The following CSMD2 variants were observed in gnomAD, a reference collection of about 807,000 sequenced individuals.
The protein encoded by CSMD2 is CUB and Sushi multiple domains 2.
In CSMD2, 130 loss-of-function variants were observed where a neutral mutation model predicts 398.5. That is an observed-to-expected ratio of 0.33 (90% CI 0.28 to 0.38). The LOEUF (loss-of-function observed/expected upper bound fraction) is 0.38. CSMD2 is among the 10% of genes least tolerant of loss of function. The pLI is 1.00. For missense variants in CSMD2, 3,829 were observed against 4,764.9 expected (o/e 0.80, Z 5.78); for synonymous variants, 1,828 against 1,908.5 (o/e 0.96, Z 1.10).
chr1:34,000,591 C>CA (rs1558228533), intron 3 of CSMD2, among the ~76,000 whole-genome samples: 1 of 150,956 alleles, frequency 6.6e-6, no homozygotes, highest in Non-Finnish European at 1.5e-5. Flanking sequence ...TGGTCCAACT[C>CA]AAAAAAAGGG....
chr1:33,832,069 T>G (rs1216926194), intron 6 of CSMD2, among the ~76,000 whole-genome samples: 3 of 146,074 alleles, frequency 2.1e-5, no homozygotes, highest in Non-Finnish European at 4.5e-5. Context: ...AATGGGAGAC[T>G]TTAACACCCC....
chr1:34,017,930 G>A (rs920554122), intron 3 of CSMD2, among the ~76,000 whole-genome samples: 5 of 152,100 alleles, frequency 3.3e-5, no homozygotes, highest in Non-Finnish European at 7.4e-5. Context: ...ACACAAGCCA[G>A]GACTTCACTG....
chr1:33,655,138 G>A (rs1643909263), intron 27 of CSMD2, among the ~76,000 whole-genome samples: 1 of 152,232 alleles, frequency 6.6e-6, no homozygotes, highest in Non-Finnish European at 1.5e-5. Flanking sequence ...GGGAGTGGGT[G>A]CAAGCTGCAG....
At chr1:34,110,842 T>A (rs1661010376) in intron 1 of CSMD2, among the ~76,000 whole-genome samples, 1 of 152,076 alleles carries the variant, frequency 6.6e-6, no homozygotes, top group Non-Finnish European at 1.5e-5. Flanking sequence ...CAAACCCCCA[T>A]GACATGGGTT....
intron 3 of CSMD2, among the ~76,000 whole-genome samples, chr1:33,987,032 G>A (rs6702677): frequency 0.16 from 24,491 of 152,008 alleles, 3,311 homozygotes; most frequent in East Asian, 0.67. Context: ...AGCAGGGATG[G>A]GGGCTTAGCC....
chr1:33,669,777 G>A (rs1043035594), intron 25 of CSMD2, among the ~76,000 whole-genome samples: 4 of 152,180 alleles, frequency 2.6e-5, no homozygotes, highest in African/African-American at 9.7e-5. Context: ...TAAATCCAAT[G>A]ACTGATATCG....
rs114965974 is a variant in CSMD2, at chr1:33,762,335, A to G, written c.1846+10234T>C. 4.4e-3 allele frequency among the ~76,000 whole-genome samples: 667 copies of G among 152,336 alleles called. 6 individuals carry two copies. The highest frequency in any genetic ancestry group is 0.015 in the African/African-American group (641 of 41,564). ...AGAGCACAGTGGAGAATGCATACAC[A>G]CAACTTTGGATATTTTACAGAGAAA... On this transcript the variant is annotated intron_variant, in intron 13 of 70. Transcript: ENST00000373381.
At chr1:33,967,680 G>C (rs1191968580) in intron 3 of CSMD2, among the ~76,000 whole-genome samples, 2 of 152,312 alleles carry the variant, frequency 1.3e-5, no homozygotes, top group East Asian at 3.9e-4. Context: ...GCCTCACGGG[G>C]CCTTCCCGAT....
intron 14 of CSMD2, among the ~76,000 whole-genome samples, chr1:33,741,958 C>G (rs527907645): frequency 1.5e-4 from 23 of 152,228 alleles, no homozygotes; most frequent in African/African-American, 5.3e-4. Context: ...CCTTCCATTC[C>G]GTAAACATTT....
chr1:33,965,386 A>G (rs1303820536), intron 3 of CSMD2, among the ~76,000 whole-genome samples: 1 of 152,202 alleles, frequency 6.6e-6, no homozygotes, highest in African/African-American at 2.4e-5. Context: ...TGCCACACTT[A>G]GTGCCATAAA....
intron 9 of CSMD2, chr1:33,813,120 G>A (rs1219153657): frequency 1.3e-5 from 2 of 152,190 alleles, no homozygotes; most frequent in Non-Finnish European, 2.9e-5. Context: ...CTCAGCTTCA[G>A]AATCAATTTA....
At chr1:34,076,655 A>C (rs1486189399) in intron 2 of CSMD2, among the ~76,000 whole-genome samples, 1 of 152,042 alleles carries the variant, frequency 6.6e-6, no homozygotes, top group Non-Finnish European at 1.5e-5. Flanking sequence ...AATTTTTCCT[A>C]TAAATGTAGG....
chr1:33,698,235 T>G (rs1191907693), intron 24 of CSMD2, among the ~76,000 whole-genome samples: 1 of 152,206 alleles, frequency 6.6e-6, no homozygotes, highest in East Asian at 1.9e-4. Flanking sequence ...AAGATGCAAG[T>G]TCATTATTGC....
At chr1:33,958,019 A>C (rs1416763695) in intron 3 of CSMD2, among the ~76,000 whole-genome samples, 1 of 151,998 alleles carries the variant, frequency 6.6e-6, no homozygotes, top group African/African-American at 2.4e-5. Flanking sequence ...ACCCTGAAAA[A>C]ATAATCAAAC....
chr1:33,892,928 G>A (rs758144406), intron 5 of CSMD2, among the ~76,000 whole-genome samples: 84 of 152,336 alleles, frequency 5.5e-4, no homozygotes, highest in African/African-American at 1.9e-3. Context: ...GAGTGCATTC[G>A]TAGGAGGTGA....
intron 64 of CSMD2, among the ~76,000 whole-genome samples, chr1:33,528,242 T>C (rs1475753225): frequency 6.6e-6 from 1 of 152,254 alleles, no homozygotes; most frequent in Non-Finnish European, 1.5e-5. Flanking sequence ...CCTCCTCATT[T>C]GAAACCTGGA....
At chr1:34,052,152 T>TA in intron 2 of CSMD2, among the ~76,000 whole-genome samples, 1 of 141,426 alleles carries the variant, frequency 7.1e-6, no homozygotes, top group African/African-American at 2.8e-5. Context: ...CAATTCCTTA[T>TA]AATAAAGCAT....
chr1:33,637,457 T>A (rs1287646796), intron 29 of CSMD2, among the ~76,000 whole-genome samples: 1 of 152,218 alleles, frequency 6.6e-6, no homozygotes, highest in Non-Finnish European at 1.5e-5. Context: ...GCCTGTGGCT[T>A]GAGAGTACTA....
chr1:33,631,955 T>C, intron 32 of CSMD2, among the ~76,000 whole-genome samples: 1 of 152,236 alleles, frequency 6.6e-6, no homozygotes, highest in East Asian at 1.9e-4. Flanking sequence ...TAGTAAACAC[T>C]ATTATAGTGT....
Sources: allele counts gnomAD v4.1 joint callset (sites outside exome capture counted in the v4.1 genomes callset), GRCh38; gene constraint gnomAD v4.1.1; transcripts MANE v1.5; gene names NCBI Gene and HGNC (gene_info 2026-07-23, HGNC 2026-07-21).